Variants in MEMO1 observed in about 807,000 individuals in gnomAD.
The protein encoded by MEMO1 is mediator of cell motility 1.
In MEMO1, 6 loss-of-function variants were observed where a neutral mutation model predicts 45.2. The ratio of observed to expected loss-of-function variants is 0.13; its 90% confidence interval spans 0.07 to 0.26. The LOEUF (loss-of-function observed/expected upper bound fraction) is 0.26, where lower values mean the gene tolerates loss of function less well. Among genes scored for constraint, MEMO1 ranks in the 10% least tolerant of loss-of-function variants. The pLI is 1.00. For synonymous variants in MEMO1, 78 were observed against 124.3 expected, an observed-to-expected ratio of 0.63 and a Z score of 2.48; for missense variants, 184 against 370.5, an observed-to-expected ratio of 0.50 and a Z score of 4.13.
intron 2 of MEMO1, among the ~76,000 whole-genome samples, chr2:31,984,082 T>C (rs148775227): frequency 2.1e-3 from 318 of 152,298 alleles, no homozygotes; most frequent in African/African-American, 7.0e-3. Context: ...ACTCAAGTAA[T>C]GTATGCAAAT....
intron 9 of MEMO1, among the ~76,000 whole-genome samples, chr2:31,869,380 C>T (rs1398949222): frequency 6.6e-6 from 1 of 152,038 alleles, no homozygotes; most frequent in African/African-American, 2.4e-5. Context: ...CTTACCATTC[C>T]TTAACTGAAA....
intron 2 of MEMO1, among the ~76,000 whole-genome samples, chr2:31,979,777 A>G (rs1035436416): frequency 6.6e-6 from 1 of 152,196 alleles, no homozygotes; most frequent in Non-Finnish European, 1.5e-5. Context: ...TGATTGTCAG[A>G]AAAATCACAA....
At chr2:31,996,832 G>C (rs1041144794) in intron 2 of MEMO1, among the ~76,000 whole-genome samples, 2 of 152,096 alleles carry the variant, frequency 1.3e-5, no homozygotes, top group Non-Finnish European at 2.9e-5. Context: ...CTGGGCTCAA[G>C]CAATCATCCT....
chr2:31,923,206 T>A (rs981998120), intron 4 of MEMO1, among the ~76,000 whole-genome samples: 2 of 152,218 alleles, frequency 1.3e-5, no homozygotes, highest in African/African-American at 4.8e-5. Flanking sequence ...TTGATTTGCA[T>A]CTCTCTAGTG....
chr2:31,876,793 A>AC (rs933453338), intron 8 of MEMO1, among the ~76,000 whole-genome samples: 2 of 151,702 alleles, frequency 1.3e-5, no homozygotes, highest in African/African-American at 2.4e-5. Context: ...CATTTCCTTG[A>AC]CCCCCCAAGC....
chr2:31,963,405 A>T, intron 2 of MEMO1: 1 of 994,338 alleles, frequency 1.0e-6, no homozygotes, highest in Non-Finnish European at 1.3e-6. Flanking sequence ...AGAAGCAAGG[A>T]AAGCTAAAAT....
chr2:31,886,306 T>G (rs1676179884), intron 7 of MEMO1, among the ~76,000 whole-genome samples: 1 of 152,166 alleles, frequency 6.6e-6, no homozygotes, highest in South Asian at 2.1e-4. Flanking sequence ...TACAAATATT[T>G]AAAAATCACT....
chr2:31,915,156 A>G (rs1681242195), intron 6 of MEMO1, among the ~76,000 whole-genome samples: 1 of 152,090 alleles, frequency 6.6e-6, no homozygotes, highest in Admixed American at 6.6e-5. Context: ...CTCCAAAAAA[A>G]GAGAAACCAC....
chr2:31,946,788 G>T (rs906998182), intron 2 of MEMO1, among the ~76,000 whole-genome samples: 1 of 152,116 alleles, frequency 6.6e-6, no homozygotes, highest in Non-Finnish European at 1.5e-5. Flanking sequence ...ACTTGAGCCC[G>T]GGAGGCAGAG....
intron 4 of MEMO1, 71 bp downstream of exon 4, chr2:31,931,996 G>A (rs1664237422): frequency 7.4e-7 from 1 of 1,351,952 alleles, no homozygotes; most frequent in African/African-American, 1.5e-5. Context: ...AGTATAAAAA[G>A]CAAATTACTT....
chr2:31,941,720 A>G lies in MEMO1; in HGVS notation c.143+1582T>C, dbSNP rs550568916. ...TACTATTATTATTCCAGCTTTACCA[A>G]TGAGGAGCTGAAATCCCAACAGATA... On this transcript the variant is annotated intron_variant, in intron 3 of 9. Coordinates refer to ENST00000404530, the MANE Select transcript of MEMO1 (RefSeq NM_001301833.4). 1.4e-4 allele frequency among the ~76,000 whole-genome samples: 22 copies of G among 152,332 alleles called. 1 individual carries two copies. The East Asian group carries it at 3.9e-3, about 27-fold the overall frequency.
At chr2:31,968,409 A>G (rs1668884053) in intron 2 of MEMO1, among the ~76,000 whole-genome samples, 1 of 152,198 alleles carries the variant, frequency 6.6e-6, no homozygotes, top group South Asian at 2.1e-4. Flanking sequence ...TATGTTCAGG[A>G]GCTGTCATGC....
At chr2:31,912,083 T>C (rs190089497) in intron 6 of MEMO1, among the ~76,000 whole-genome samples, 20 of 152,182 alleles carry the variant, frequency 1.3e-4, no homozygotes, top group Non-Finnish European at 2.4e-4. Flanking sequence ...CCTATAACCC[T>C]AGCACTTTGG....
chr2:31,868,954 A>G (rs927348011), intron 9 of MEMO1, among the ~76,000 whole-genome samples: 5 of 152,338 alleles, frequency 3.3e-5, no homozygotes, highest in Admixed American at 2.6e-4. Flanking sequence ...CATTTACTTT[A>G]TAATACAAAT....
chr2:31,869,730 TA>T, intron 9 of MEMO1, 117 bp downstream of exon 9: 1 of 1,091,722 alleles, frequency 9.2e-7, no homozygotes, highest in Non-Finnish European at 1.3e-6. Flanking sequence ...TTAAAGATAC[TA>T]AAAAGAAACT....
At chr2:31,937,726 T>C (rs1197536620) in intron 3 of MEMO1, among the ~76,000 whole-genome samples, 1 of 152,222 alleles carries the variant, frequency 6.6e-6, no homozygotes, top group African/African-American at 2.4e-5. Flanking sequence ...GTCAAAGTCC[T>C]ACTAGGTTAA....
chr2:31,920,941 C>T, intron 4 of MEMO1, 31 bp from the exon 5 acceptor site: 1 of 1,371,946 alleles, frequency 7.3e-7, no homozygotes, highest in Non-Finnish European at 1.0e-6. Flanking sequence ...AAACACGTAA[C>T]AATTGCACTT....
chr2:31,918,056 A>T lies in MEMO1; in HGVS notation c.326-19T>A. On this transcript the variant is annotated intron_variant, in intron 5 of 9. Transcript: ENST00000404530. ...CCGTAAACTAAAGAGATTTCAAAAT[A>T]CAGTAAAATAAATATATTAATGTAT... The T allele has an allele frequency of 6.5e-7, 1 of 1,541,442 alleles. No individual in the cohort carries two copies. Among genetic ancestry groups the T allele is most frequent in the Non-Finnish European group, 8.9e-7 (1 of 1,122,544 alleles).
At chr2:31,880,748 T>C (rs945990425) in intron 8 of MEMO1, among the ~76,000 whole-genome samples, 14 of 152,238 alleles carry the variant, frequency 9.2e-5, no homozygotes, top group Middle Eastern at 3.2e-3. Context: ...AGAGCTGTTC[T>C]GCTATATTTA....
Sources: allele counts gnomAD v4.1 joint callset (sites outside exome capture counted in the v4.1 genomes callset), GRCh38; gene constraint gnomAD v4.1.1; transcripts MANE v1.5; gene names NCBI Gene and HGNC (gene_info 2026-07-23, HGNC 2026-07-21).